The following SS18L2 variants were observed in gnomAD, a reference collection of about 807,000 sequenced individuals.
The protein encoded by SS18L2 is SS18-like protein 2.
A neutral mutation model predicts 10.3 loss-of-function variants in SS18L2; 8 were observed. That is an observed-to-expected ratio of 0.78 (90% CI 0.46 to 1.41). SS18L2 has a LOEUF of 1.41. SS18L2 is among the 40% of genes most tolerant of loss of function. SS18L2 has a pLI of 0.00. For missense variants in SS18L2, 100 were observed against 96.2 expected, an observed-to-expected ratio of 1.04 and a Z score of -0.17; for synonymous variants, 41 against 34.6, an observed-to-expected ratio of 1.19 and a Z score of -0.65.
At chr3:42,590,672 T>C, upstream of SS18L2, 1 of 602,972 alleles carries the variant, frequency 1.7e-6, no homozygotes. Context: ...CCCACAAGTT[T>C]CGCTCTCCAG....
upstream of SS18L2, among the ~76,000 whole-genome samples, chr3:42,589,873 T>A (rs1334886644): frequency 6.6e-6 from 1 of 151,980 alleles, no homozygotes; most frequent in Non-Finnish European, 1.5e-5. Context: ...TCACCAGGAG[T>A]AACCATGTGG....
In SS18L2 at chr3:42,590,949, CAA is replaced by C; in HGVS notation, c.53_54del (p.Gln18ArgfsTer8). On this transcript the variant is annotated frameshift_variant, in exon 1 of 3. Transcript: ENST00000011691. LOFTEE classifies it high-confidence loss of function. ...DWLRGKAEVN[Q>X]ETIQRLLEEN... The stretch of plus-strand genomic sequence containing the variant: ...GCTGAGGGGCAAGGCGGAAGTCAAT[CAA>C]GAGACTATCCAGCGGGTGAGCATCC... 1 of 1,357,298 alleles carries C rather than the reference CAA, an allele frequency of 7.4e-7. No individual in the cohort carries two copies. Among genetic ancestry groups the C allele is most frequent in the Non-Finnish European group, 9.8e-7 (1 of 1,015,490 alleles). 84.1% of individuals were successfully genotyped at this position (1,357,298 alleles called of 1,614,324 possible).
chr3:42,590,868 T>G lies in SS18L2; in HGVS notation c.-30T>G, dbSNP rs748904580. ...CCCACCTATCGTGGGTCGAGTTGCT[T>G]GGCGGTCGTGGTTCCGGAGGTTCCT... is the stretch of plus-strand genomic sequence containing the variant. On this transcript the variant is annotated 5_prime_UTR_variant, in exon 1 of 3. Coordinates refer to ENST00000011691, the MANE Select transcript of SS18L2 (RefSeq NM_001370300.1). 1.9e-6 allele frequency: 3 copies of G among 1,609,238 alleles called. No homozygotes were observed. Among genetic ancestry groups the G allele is most frequent in the African/African-American group, 1.3e-5 (1 of 74,784 alleles).
intron 1 of SS18L2, 119 bp from the exon 2 acceptor site, chr3:42,591,406 G>A (rs1704834418): frequency 2.7e-6 from 2 of 738,990 alleles, no homozygotes; most frequent in Non-Finnish European, 4.8e-6. Context: ...TGTTGGCCAG[G>A]CTAGTCTCGA....
intron 2 of SS18L2, among the ~76,000 whole-genome samples, chr3:42,592,345 G>A (rs1449602199): frequency 6.6e-6 from 1 of 151,964 alleles, no homozygotes; most frequent in East Asian, 1.9e-4. Flanking sequence ...GACTACAGGC[G>A]TGTGCCACCA....
At chr3:42,581,920 G>C (rs997347216) in exon 1 of SS18L2, 1 of 152,306 alleles carries the variant, frequency 6.6e-6, no homozygotes, top group Non-Finnish European at 1.5e-5. Context: ...TTAGCCGACC[G>C]GGAGGGCTCG....
chr3:42,589,061 A>C (rs1196278939), upstream of SS18L2, among the ~76,000 whole-genome samples: 2 of 152,014 alleles, frequency 1.3e-5, no homozygotes, highest in Non-Finnish European at 2.9e-5. Flanking sequence ...TCAGGAGTTC[A>C]AGACTAGCCT....
chr3:42,590,365 T>C (rs1012725090), upstream of SS18L2, among the ~76,000 whole-genome samples: 6 of 152,022 alleles, frequency 3.9e-5, no homozygotes, highest in Admixed American at 1.3e-4. Context: ...TGCAGATAGA[T>C]TGAGTATGCA....
upstream of SS18L2, among the ~76,000 whole-genome samples, chr3:42,589,574 C>T (rs1194473535): frequency 5.3e-5 from 8 of 152,174 alleles, no homozygotes; most frequent in Non-Finnish European, 1.5e-5. Flanking sequence ...TAAGCATTAC[C>T]GCCGAGCATT....
At position 42,596,554 on chromosome 3, in the gene SS18L2, C is replaced by A. The variant is rs1019489363; in HGVS notation, c.*2045C>A. On this transcript the variant is annotated 3_prime_UTR_variant, in exon 3 of 3. Coordinates refer to ENST00000011691, the MANE Select transcript of SS18L2 (RefSeq NM_001370300.1). ...CTCTTTGGATACCAACTTTCTACCA[C>A]TCTTGGAAGAGATGGAGGAGGTGTC... 6.6e-6 allele frequency among the ~76,000 whole-genome samples: 1 copy of A among 152,202 alleles called. No homozygotes were observed. The highest frequency in any genetic ancestry group is 2.4e-5 in the African/African-American group (1 of 41,450).
chr3:42,591,025 C>G, intron 1 of SS18L2, 59 bp downstream of exon 1: 2 of 1,532,598 alleles, frequency 1.3e-6, no homozygotes, highest in Non-Finnish European at 1.8e-6. Flanking sequence ...CGAGGGGCTG[C>G]GGGGTGCGAG....
chr3:42,596,336 T>C lies in SS18L2; in HGVS notation c.*1827T>C, dbSNP rs1705029650. Among the ~76,000 whole-genome samples, 1 of 152,250 alleles carries C rather than the reference T, an allele frequency of 6.6e-6. No individual in the cohort carries two copies. The highest frequency in any genetic ancestry group is 1.5e-5 in the Non-Finnish European group (1 of 68,044). On this transcript the variant is annotated 3_prime_UTR_variant, in exon 3 of 3. Transcript: ENST00000011691. The stretch of plus-strand genomic sequence containing the variant: ...CGCGCCCAGCCGATCATTTCTGTTT[T>C]CTAGAAAATTATTTTGTCTGTTTCC...
In SS18L2 at chr3:42,596,061, C is replaced by A. The variant is rs149156002; in HGVS notation, c.*1552C>A. 6.6e-6 allele frequency among the ~76,000 whole-genome samples: 1 copy of A among 151,428 alleles called. No homozygotes were observed. The highest frequency in any genetic ancestry group is 1.9e-4 in the East Asian group (1 of 5,140). ...TTTGTTTTTTTTTGAGACGGAATCT[C>A]GCTCTGTCGGAGTGCAGTGGTGCAA... On this transcript the variant is annotated 3_prime_UTR_variant, in exon 3 of 3. Transcript: ENST00000011691.
chr3:42,585,194 T>C (rs1309111743), intron 1 of SS18L2, among the ~76,000 whole-genome samples: 4 of 152,148 alleles, frequency 2.6e-5, no homozygotes, highest in African/African-American at 9.7e-5. Flanking sequence ...TCAAAACTTG[T>C]GGTGCGAGTG....
upstream of SS18L2, among the ~76,000 whole-genome samples, chr3:42,588,452 A>T (rs751339231): frequency 6.6e-6 from 1 of 152,106 alleles, no homozygotes; most frequent in Non-Finnish European, 1.5e-5. Flanking sequence ...TCCTCAAAAC[A>T]TGTATGTCCC....
chr3:42,583,549 G>A lies in SS18L2; in HGVS notation c.-90+1591G>A, dbSNP rs116070148. Among the ~76,000 whole-genome samples the A allele has an allele frequency of 3.0e-3, 455 of 152,278 alleles. 3 individuals carry two copies. Among genetic ancestry groups the A allele is most frequent in the African/African-American group, 0.011 (439 of 41,556 alleles). Reference sequence around the variant, plus strand: ...TGAGGCACCTTTGAGACTTGGTTAGGATTTTGCGATGATTAGTTTTAGATG... The same window carrying A: ...TGAGGCACCTTTGAGACTTGGTTAGAATTTTGCGATGATTAGTTTTAGATG... On this transcript the variant is annotated intron_variant, in intron 1 of 3. Coordinates refer to the SS18L2 transcript ENST00000447630.
chr3:42,590,223 AG>A (rs1283245130), upstream of SS18L2, among the ~76,000 whole-genome samples: 3 of 152,204 alleles, frequency 2.0e-5, no homozygotes, highest in African/African-American at 7.2e-5. Flanking sequence ...GCCTGGCAGG[AG>A]ACAATGCCAT....
intron 1 of SS18L2, among the ~76,000 whole-genome samples, chr3:42,584,591 C>T (rs866062928): frequency 8.6e-5 from 13 of 152,026 alleles, no homozygotes; most frequent in South Asian, 4.1e-4. Flanking sequence ...ATCATATGGG[C>T]GGAAATCGAA....
upstream of SS18L2, among the ~76,000 whole-genome samples, chr3:42,588,109 C>T (rs1283728769): frequency 6.6e-6 from 1 of 150,998 alleles, no homozygotes; most frequent in Non-Finnish European, 1.5e-5. Flanking sequence ...ACAACAACAA[C>T]AACAAAAACC....
Sources: gnomAD v4.1 joint callset for allele counts (sites outside exome capture counted in the v4.1 genomes callset) on GRCh38, gnomAD v4.1.1 for gene constraint, MANE v1.5 for transcripts, NCBI Gene and HGNC (gene_info 2026-07-23, HGNC 2026-07-21) for gene names.